Variants in XPR1 observed in about 807,000 individuals in gnomAD.
XPR1 encodes the protein xenotropic and polytropic retrovirus receptor 1.
Under a neutral mutation model 87.5 loss-of-function variants are expected in XPR1, and 28 were observed. That is an observed-to-expected ratio of 0.32 (90% confidence interval 0.24 to 0.44). XPR1 has a LOEUF of 0.44. Ranked by LOEUF, XPR1 falls within the 20% of genes least tolerant of loss-of-function variation. XPR1 has a pLI of 1.00. For missense variants in XPR1, 559 were observed against 862.3 expected, an observed-to-expected ratio of 0.65 and a Z score of 4.41; for synonymous variants, 300 against 306.1, an observed-to-expected ratio of 0.98 and a Z score of 0.21.
In XPR1 at chr1:180,795,871, G is replaced by A. The variant is rs1199131116; in HGVS notation, c.224-7517G>A. On this transcript the variant is annotated intron_variant, in intron 3 of 14. Transcript: ENST00000367590. Reference sequence around the variant, plus strand: ...CACCCAGGCTGGAATGTGGTGGTGCGATCTCAGCTCACTGCAACCTCTGCC... The same window carrying A: ...CACCCAGGCTGGAATGTGGTGGTGCAATCTCAGCTCACTGCAACCTCTGCC... Among the ~76,000 whole-genome samples the A allele has an allele frequency of 2.6e-5, 4 of 152,044 alleles. No homozygotes were observed. In the East Asian group the frequency reaches 7.7e-4, roughly 29 times the overall value.
chr1:180,851,432 G>C (rs1192362875), intron 11 of XPR1, among the ~76,000 whole-genome samples: 2 of 152,114 alleles, frequency 1.3e-5, no homozygotes, highest in Non-Finnish European at 2.9e-5. Flanking sequence ...CCTATAGACA[G>C]AATTATTGGC....
At chr1:180,670,195 T>C (rs960763962) in intron 1 of XPR1, among the ~76,000 whole-genome samples, 10 of 152,148 alleles carry the variant, frequency 6.6e-5, no homozygotes, top group Non-Finnish European at 1.5e-4. Flanking sequence ...CCAATTTCTG[T>C]TTTTTCATTG....
chr1:180,857,148 A>G (rs1162956323), intron 11 of XPR1, among the ~76,000 whole-genome samples: 1 of 152,178 alleles, frequency 6.6e-6, no homozygotes. Flanking sequence ...TTATTATTAC[A>G]TATACTCTTT....
chr1:180,758,949 A>C lies in XPR1; in HGVS notation c.122-28804A>C, dbSNP rs530584197. 2.6e-5 allele frequency: 4 copies of C among 152,472 alleles called. No individual in the cohort carries two copies. In the South Asian group the frequency reaches 8.3e-4, roughly 32 times the overall value. 9.4% of individuals were successfully genotyped at this position (152,472 alleles called of 1,614,324 possible). ...CCACAGTGCAATCAAACTAGAACTC[A>C]GGACTAAGAAACTCACTCAAAACTG... On this transcript the variant is annotated intron_variant, in intron 2 of 14. Transcript: ENST00000367590.
intron 11 of XPR1, among the ~76,000 whole-genome samples, chr1:180,853,503 A>C (rs1235543745): frequency 6.6e-6 from 1 of 152,070 alleles, no homozygotes; most frequent in Admixed American, 6.6e-5. Context: ...CATCTCTATC[A>C]TCTCAGTTTT....
At chr1:180,856,304 T>C (rs1652029804) in intron 11 of XPR1, among the ~76,000 whole-genome samples, 1 of 151,734 alleles carries the variant, frequency 6.6e-6, no homozygotes, top group Admixed American at 6.6e-5. Flanking sequence ...GTCTTTGGTA[T>C]TAAAAAAAAA....
Position 180,714,642 on chromosome 1 carries a change from G to T in XPR1, c.121+32231G>T, listed in dbSNP as rs1278864587. 1.9e-4 allele frequency among the ~76,000 whole-genome samples: 29 copies of T among 152,004 alleles called. 1 individual carries two copies. The highest frequency in any genetic ancestry group is 6.5e-4 in the African/African-American group (27 of 41,450). On this transcript the variant is annotated intron_variant, in intron 2 of 14. Coordinates refer to ENST00000367590, the MANE Select transcript of XPR1 (RefSeq NM_004736.4). ...CTGGTCTTGAACTCCTGGGCTCAAG[G>T]GGTCCTCCTGCCTTGGCCGTCCAAA...
intron 9 of XPR1, among the ~76,000 whole-genome samples, chr1:180,830,861 C>T (rs1483445242): frequency 6.6e-6 from 1 of 152,162 alleles, no homozygotes; most frequent in Non-Finnish European, 1.5e-5. Flanking sequence ...GATAAACAGG[C>T]TTCCACAGAA....
At position 180,841,642 on chromosome 1, in the gene XPR1, C is replaced by T. The variant is rs967840535; in HGVS notation, c.1501+4926C>T. On this transcript the variant is annotated intron_variant, in intron 11 of 14. Transcript: ENST00000367590. ...CAGGGGACTTGCACAGGGCAAGTAT[C>T]GATTAGAAATGTGTTTGGCTTTTTG... 3.9e-5 allele frequency among the ~76,000 whole-genome samples: 6 copies of T among 152,190 alleles called. No individual in the cohort carries two copies. In the East Asian group the frequency reaches 9.6e-4, roughly 24 times the overall value.
chr1:180,853,260 TTTTC>T (rs1571895889), intron 11 of XPR1, among the ~76,000 whole-genome samples: 1 of 152,292 alleles, frequency 6.6e-6, no homozygotes, highest in Non-Finnish European at 1.5e-5. Context: ...ATTCAACCTA[TTTTC>T]TTTCTTGTTC....
Position 180,788,807 on chromosome 1 carries a change from C to T in XPR1, c.223+953C>T, listed in dbSNP as rs74135833. Among the ~76,000 whole-genome samples, 899 of 152,286 alleles carry T rather than the reference C, an allele frequency of 5.9e-3. 13 individuals carry two copies. The highest frequency in any genetic ancestry group is 0.02 in the African/African-American group (849 of 41,566). ...GCAAAGACTTTGGAAATACCATAATCTTATAACTAGCACAATCATAAACCA... is the reference window on the plus strand; with the variant it reads ...GCAAAGACTTTGGAAATACCATAATTTTATAACTAGCACAATCATAAACCA... On this transcript the variant is annotated intron_variant, in intron 3 of 14. Transcript: ENST00000367590.
intron 2 of XPR1, among the ~76,000 whole-genome samples, chr1:180,693,918 G>T (rs779828742): frequency 2.0e-5 from 3 of 152,098 alleles, no homozygotes; most frequent in Non-Finnish European, 4.4e-5. Context: ...TGGAGGGGAA[G>T]GAACACTTTT....
intron 2 of XPR1, among the ~76,000 whole-genome samples, chr1:180,696,126 C>T (rs990250697): frequency 2.8e-5 from 4 of 144,708 alleles, no homozygotes; most frequent in Non-Finnish European, 4.5e-5. Flanking sequence ...TAGTTCTCAT[C>T]GTAGAGGCCT....
intron 2 of XPR1, among the ~76,000 whole-genome samples, chr1:180,702,480 C>G (rs1441473348): frequency 6.6e-6 from 1 of 151,736 alleles, no homozygotes; most frequent in Non-Finnish European, 1.5e-5. Context: ...GAGTTCAATT[C>G]TTTCTTTCTT....
intron 2 of XPR1, among the ~76,000 whole-genome samples, chr1:180,740,609 C>G (rs1249359399): frequency 6.6e-6 from 1 of 152,112 alleles, no homozygotes; most frequent in African/African-American, 2.4e-5. Flanking sequence ...GGATATTGGT[C>G]TGTAGTTTCC....
Position 180,824,754 on chromosome 1 carries a change from T to G in XPR1, c.765T>G (p.Ala255=). The stretch of plus-strand genomic sequence containing the variant: ...ACCAATATCTTAATATTCTTTCAGC[T>G]GTATTTAAACTTGAAACAGATAGAA... The part of the protein sequence containing the change: ...IVLNITLVLA[A]VFKLETDRSI... The change falls in exon 8 of 15, where the codon GCT becomes GCG. Residue 255 remains alanine, a splice_region_variant and synonymous_variant. Coordinates refer to ENST00000367590, the MANE Select transcript of XPR1 (RefSeq NM_004736.4). 6.2e-7 allele frequency: 1 copy of G among 1,604,676 alleles called. No homozygotes were observed. Among genetic ancestry groups the G allele is most frequent in the Non-Finnish European group, 8.5e-7 (1 of 1,177,088 alleles).
Position 180,824,857 on chromosome 1 carries a change from T to C in XPR1, c.868T>C (p.Tyr290His). The C allele has an allele frequency of 1.2e-6, 2 of 1,614,106 alleles. No homozygotes were observed. The highest frequency in any genetic ancestry group is 1.7e-6 in the Non-Finnish European group (2 of 1,179,992). Reference protein sequence around the residue: ...EFLFLLGINTYGWRQAGVNHV... With the variant: ...EFLFLLGINTHGWRQAGVNHV... ...CCTTTTTCTACTGGGCATCAACACG[T>C]ATGGTTGGAGACAGGCTGGAGTAAA... is the stretch of plus-strand genomic sequence containing the variant. Residue 290 changes from tyrosine (Y) to histidine (H), a missense_variant, in exon 8 of 15, where the codon TAT becomes CAT. Physicochemically the swap from Tyr to His is moderately conservative, Grantham distance 83. This residue lies in a region of XPR1 where 6 missense variants were observed against 29.7 expected (regional missense o/e 0.20). Coordinates refer to ENST00000367590, the MANE Select transcript of XPR1 (RefSeq NM_004736.4).
intron 2 of XPR1, among the ~76,000 whole-genome samples, chr1:180,767,274 C>G (rs1349987559): frequency 6.6e-6 from 1 of 152,098 alleles, no homozygotes; most frequent in Non-Finnish European, 1.5e-5. Flanking sequence ...TCACTCCCTT[C>G]AAAATAAAAC....
At chr1:180,831,119 G>A (rs535481692) in intron 9 of XPR1, among the ~76,000 whole-genome samples, 1 of 152,254 alleles carries the variant, frequency 6.6e-6, no homozygotes, top group East Asian at 1.9e-4. Context: ...AAAGAAAGTG[G>A]CTTTGGTTAG....
Sources: allele counts gnomAD v4.1 joint callset (sites outside exome capture counted in the v4.1 genomes callset), GRCh38; gene constraint gnomAD v4.1.1; regional missense constraint gnomAD v4.1.1; transcripts MANE v1.5; gene names NCBI Gene and HGNC (gene_info 2026-07-23, HGNC 2026-07-21).